Variants in ATP10B observed in about 807,000 individuals in gnomAD.
ATP10B encodes phospholipid-transporting ATPase VB.
In ATP10B, 122 loss-of-function variants were observed where a neutral mutation model predicts 141.2. That is an observed-to-expected ratio of 0.86 (90% confidence interval 0.75 to 1.00). The LOEUF is 1.00. Among genes scored for constraint, ATP10B ranks in the 50% least tolerant of loss-of-function variants. The pLI is 0.00. For synonymous variants in ATP10B, 685 were observed against 692.0 expected, an observed-to-expected ratio of 0.99 and a Z score of 0.16; for missense variants, 1,876 against 1,825.3, an observed-to-expected ratio of 1.03 and a Z score of -0.51.
At chr5:160,784,451 G>C (rs1248003779) in intron 2 of ATP10B, among the ~76,000 whole-genome samples, 1 of 152,182 alleles carries the variant, frequency 6.6e-6, no homozygotes, top group Non-Finnish European at 1.5e-5. Flanking sequence ...TAAGCAGTTG[G>C]TATCTGCGGA....
intron 22 of ATP10B, among the ~76,000 whole-genome samples, chr5:160,593,316 T>C (rs1352567740): frequency 6.6e-6 from 1 of 152,206 alleles, no homozygotes; most frequent in Non-Finnish European, 1.5e-5. Context: ...AGGGTCTGGA[T>C]TGGACCTCTA....
In ATP10B at chr5:160,748,032, G is replaced by C. The variant is rs572743138; in HGVS notation, c.-330-30998C>G. ...AAAAAAAAAAGCGGCCGGGGTTGTG[G>C]CGGGGAGCGCAGAGGGGTTTCGCTA... On this transcript the variant is annotated intron_variant, in intron 2 of 25. Coordinates refer to ENST00000327245, the MANE Select transcript of ATP10B (RefSeq NM_025153.3). 1.2e-3 allele frequency among the ~76,000 whole-genome samples: 186 copies of C among 151,718 alleles called. 1 individual carries two copies. In the East Asian group the frequency reaches 0.032, roughly 26 times the overall value.
intron 2 of ATP10B, among the ~76,000 whole-genome samples, chr5:160,757,890 G>A (rs1283575229): frequency 6.6e-6 from 1 of 152,158 alleles, no homozygotes; most frequent in Admixed American, 6.5e-5. Context: ...GTGGTTAGCA[G>A]CATTCTGGCC....
intron 1 of ATP10B, among the ~76,000 whole-genome samples, chr5:160,787,453 A>G (rs570082177): frequency 6.6e-6 from 1 of 152,168 alleles, no homozygotes; most frequent in Non-Finnish European, 1.5e-5. Context: ...CTTGCCCTCC[A>G]GTGGCCGTGT....
chr5:160,603,785 C>T (rs1378593203), intron 20 of ATP10B, 180 bp downstream of exon 20: 17 of 549,596 alleles, frequency 3.1e-5, no homozygotes, highest in East Asian at 1.1e-4. Context: ...TTTGACACTA[C>T]GAAAGTGTAC....
At chr5:160,755,878 T>TATATA (rs1768561317) in intron 2 of ATP10B, among the ~76,000 whole-genome samples, 2 of 124,082 alleles carry the variant, frequency 1.6e-5, no homozygotes, top group Non-Finnish European at 3.4e-5. Flanking sequence ...TATATATATA[T>TATATA]TATAATTTTA....
intron 17 of ATP10B, chr5:160,614,480 G>A (rs1262232409): frequency 6.6e-6 from 1 of 152,236 alleles, no homozygotes; most frequent in Non-Finnish European, 1.5e-5. Flanking sequence ...TCAGGAGCCT[G>A]AATGGGATGA....
At chr5:160,746,140 C>T (rs1767789692) in intron 2 of ATP10B, among the ~76,000 whole-genome samples, 1 of 152,152 alleles carries the variant, frequency 6.6e-6, no homozygotes, top group African/African-American at 2.4e-5. Flanking sequence ...AGCCAGGATT[C>T]CAGGATTTTT....
the ATP10B span, among the ~76,000 whole-genome samples, chr5:160,863,423 G>A: frequency 6.6e-6 from 1 of 151,906 alleles, no homozygotes; most frequent in African/African-American, 2.4e-5. Context: ...AGTAACAAGA[G>A]ACACAACCTA....
rs140960221 is a variant in ATP10B, at chr5:160,754,156, C to T, written c.-331+31403G>A. On this transcript the variant is annotated intron_variant, in intron 2 of 25. Transcript: ENST00000327245. Reference sequence around the variant, plus strand: ...CTCTCAGGTATAATATAAATTATACCGTTTTCTTAAATTTAATATATACAG... The same window carrying T: ...CTCTCAGGTATAATATAAATTATACTGTTTTCTTAAATTTAATATATACAG... 3.2e-4 allele frequency among the ~76,000 whole-genome samples: 48 copies of T among 152,054 alleles called. 1 individual carries two copies. Among genetic ancestry groups the T allele is most frequent in the African/African-American group, 1.1e-3 (45 of 41,470 alleles).
At chr5:160,870,419 AC>A in the ATP10B span, among the ~76,000 whole-genome samples, 7 of 150,982 alleles carry the variant, frequency 4.6e-5, no homozygotes, top group South Asian at 2.1e-4. Context: ...TAAAAAAAAA[AC>A]CCCACAATTT....
At chr5:160,609,281 T>C (rs1274074153) in intron 18 of ATP10B, among the ~76,000 whole-genome samples, 1 of 152,146 alleles carries the variant, frequency 6.6e-6, no homozygotes, top group Non-Finnish European at 1.5e-5. Flanking sequence ...ATACAGATTT[T>C]GGAAAAAACT....
intron 1 of ATP10B, among the ~76,000 whole-genome samples, chr5:160,810,151 T>C (rs992159627): frequency 3.3e-5 from 5 of 152,108 alleles, no homozygotes; most frequent in Non-Finnish European, 5.9e-5. Flanking sequence ...TTTTTTCCTC[T>C]AGTTCATTAG....
intron 9 of ATP10B, among the ~76,000 whole-genome samples, chr5:160,643,287 C>CA (rs1399567226): frequency 5.3e-5 from 8 of 152,070 alleles, no homozygotes. Context: ...CCAAACCAAA[C>CA]AAAAAAGCAA....
chr5:160,772,692 C>T (rs1031678394), intron 2 of ATP10B, among the ~76,000 whole-genome samples: 3 of 152,162 alleles, frequency 2.0e-5, no homozygotes, highest in East Asian at 1.9e-4. Context: ...GGGTGGAGCT[C>T]AGGCAGTAAT....
chr5:160,910,883 G>A, the ATP10B span, among the ~76,000 whole-genome samples: 1 of 152,164 alleles, frequency 6.6e-6, no homozygotes. Context: ...GTTAGAGGTG[G>A]GGCCTGGGGT....
chr5:160,652,926 AT>A (rs1201046669), intron 7 of ATP10B, among the ~76,000 whole-genome samples: 4 of 81,814 alleles, frequency 4.9e-5, no homozygotes, highest in Non-Finnish European at 6.2e-5. Flanking sequence ...TATATAATAT[AT>A]TATATATACA....
intron 20 of ATP10B, chr5:160,603,524 G>T: frequency 5.6e-6 from 1 of 178,638 alleles, no homozygotes; most frequent in Non-Finnish European, 1.2e-5. Flanking sequence ...TTGTGGCCCA[G>T]GGAAGCCAGA....
At chr5:160,815,201 A>G (rs1773515654) in intron 1 of ATP10B, among the ~76,000 whole-genome samples, 1 of 152,218 alleles carries the variant, frequency 6.6e-6, no homozygotes, top group Non-Finnish European at 1.5e-5. Context: ...CAAATTGGAT[A>G]AAGAGTCAAG....
Sources: gnomAD v4.1 joint callset for allele counts (sites outside exome capture counted in the v4.1 genomes callset) on GRCh38, gnomAD v4.1.1 for gene constraint, MANE v1.5 for transcripts, NCBI Gene and HGNC (gene_info 2026-07-23, HGNC 2026-07-21) for gene names.